The following CCDC7 variants were observed in gnomAD, a reference collection of about 807,000 sequenced individuals.
The protein encoded by CCDC7 is coiled-coil domain containing 7, also known as coiled-coil domain-containing protein 7.
CCDC7 carries 183 observed loss-of-function variants against 196.9 expected under a neutral mutation model. The observed-to-expected ratio is 0.93, with a 90% CI of 0.82 to 1.05. The LOEUF is 1.05. CCDC7 is among the 50% of genes least tolerant of loss of function. The probability of loss-of-function intolerance (pLI) is 0.00; values close to 1 mark genes in which losing one functional copy is unlikely to be tolerated. For missense variants in CCDC7, 1,540 were observed against 1,482.2 expected (o/e 1.04, Z -0.64); for synonymous variants, 525 against 484.6 (o/e 1.08, Z -1.10).
intron 25 of CCDC7, among the ~76,000 whole-genome samples, chr10:32,715,235 G>A (rs188427822): frequency 2.1e-3 from 320 of 152,310 alleles, no homozygotes; most frequent in Middle Eastern, 0.017. Context: ...TGCAGCCTCC[G>A]CTGGTGATAC....
chr10:32,771,702 CTG>C (rs1482942953), intron 28 of CCDC7, among the ~76,000 whole-genome samples: 6 of 152,170 alleles, frequency 3.9e-5, no homozygotes, highest in African/African-American at 1.2e-4. Context: ...CACATAGACT[CTG>C]TGAAAGTACT....
rs151022325 is a variant in CCDC7 at position 32,840,242 on chromosome 10, G to C, written c.3353-5001G>C. On this transcript the variant is annotated intron_variant, in intron 33 of 41. Transcript: ENST00000639629. Reference sequence around the variant, plus strand: ...GTTATTTGAAAAGATAAATAAAATTGATAGACCATTAGCAAGATTAACCAA... The same window carrying C: ...GTTATTTGAAAAGATAAATAAAATTCATAGACCATTAGCAAGATTAACCAA... Among the ~76,000 whole-genome samples, 1,199 of 152,066 alleles carry C rather than the reference G, an allele frequency of 7.9e-3. 6 individuals carry two copies. The highest frequency in any genetic ancestry group is 0.02 in the Middle Eastern group (6 of 294).
intron 40 of CCDC7, 79 bp downstream of exon 41, chr10:32,852,011 A>G: frequency 7.1e-7 from 1 of 1,416,126 alleles, no homozygotes; most frequent in Non-Finnish European, 9.5e-7. Flanking sequence ...AAGTTGTAAT[A>G]GCTTTAGTCA....
intron 28 of CCDC7, among the ~76,000 whole-genome samples, chr10:32,749,290 G>A (rs144795229): frequency 3.9e-5 from 6 of 152,144 alleles, no homozygotes; most frequent in African/African-American, 7.2e-5. Context: ...TGGAAGGTCC[G>A]TTTAAAAAAT....
At position 32,702,327 on chromosome 10, in the gene CCDC7, G is replaced by T. The variant is rs533692074; in HGVS notation, c.2458+7335G>T. On this transcript the variant is annotated intron_variant, in intron 24 of 41. Transcript: ENST00000639629. ...TGTTCAGTTTCCATGTAGTTGAGCGGTTTTGAGTGACTTTCTTAATCCTGA... is the reference window on the plus strand; with the variant it reads ...TGTTCAGTTTCCATGTAGTTGAGCGTTTTTGAGTGACTTTCTTAATCCTGA... Among the ~76,000 whole-genome samples the T allele has an allele frequency of 2.4e-3, 369 of 152,238 alleles. 2 individuals carry two copies. Among genetic ancestry groups the T allele is most frequent in the Non-Finnish European group, 1.9e-3 (131 of 68,008 alleles).
At chr10:32,656,967 C>A (rs2070047575) in intron 20 of CCDC7, among the ~76,000 whole-genome samples, 1 of 152,200 alleles carries the variant, frequency 6.6e-6, no homozygotes, top group Admixed American at 6.5e-5. Flanking sequence ...AGGCTACATG[C>A]CCCAATCAAG....
At chr10:32,600,492 A>G (rs1266227530) in intron 18 of CCDC7, among the ~76,000 whole-genome samples, 1 of 152,072 alleles carries the variant, frequency 6.6e-6, no homozygotes, top group Non-Finnish European at 1.5e-5. Flanking sequence ...GTATATGATC[A>G]TATCATCGGC....
chr10:32,526,455 G>A (rs912013599), intron 11 of CCDC7, among the ~76,000 whole-genome samples: 11 of 152,076 alleles, frequency 7.2e-5, no homozygotes, highest in Non-Finnish European at 1.2e-4. Context: ...TCACCTTTAC[G>A]TTTCCCCCTT....
In CCDC7 at chr10:32,453,330, T is replaced by G; in HGVS notation, c.280-14T>G. On this transcript the variant is annotated splice_polypyrimidine_tract_variant and intron_variant, in intron 1 of 41. Transcript: ENST00000639629. ...TATTAAAGTATCTAATTGGCTTTTA[T>G]TTTTTTTTTACAGGTTGTTTCCACT... 1 of 1,270,714 alleles carries G rather than the reference T, an allele frequency of 7.9e-7. No individual in the cohort carries two copies. Among genetic ancestry groups the G allele is most frequent in the South Asian group, 1.9e-5 (1 of 52,128 alleles). The allele number at this position is 1,270,714 out of a possible 1,614,324, so 78.7% of individuals were successfully genotyped here.
intron 39 of CCDC7, among the ~76,000 whole-genome samples, chr10:32,849,985 G>A (rs1189448935): frequency 6.6e-6 from 1 of 152,038 alleles, no homozygotes; most frequent in Non-Finnish European, 1.5e-5. Context: ...TTTCTAAGTG[G>A]GGAGGAATAA....
chr10:32,447,894 T>C (rs1002547914), upstream of CCDC7, among the ~76,000 whole-genome samples: 1 of 152,064 alleles, frequency 6.6e-6, no homozygotes, highest in Non-Finnish European at 1.5e-5. Context: ...AGAGCGAAAC[T>C]CTGTCTCAAA....
intron 20 of CCDC7, among the ~76,000 whole-genome samples, chr10:32,662,077 C>T (rs1565018448): frequency 6.6e-6 from 1 of 152,152 alleles, no homozygotes; most frequent in Admixed American, 6.6e-5. Flanking sequence ...GGCCTCTCTC[C>T]ATAGGTGGGC....
chr10:32,702,066 T>C (rs185499916), intron 24 of CCDC7, among the ~76,000 whole-genome samples: 133 of 152,358 alleles, frequency 8.7e-4, no homozygotes, highest in African/African-American at 3.1e-3. Flanking sequence ...TGCAAACTTT[T>C]GAATGTGTTT....
In CCDC7 at chr10:32,566,456, A is replaced by T. The variant is rs566622866; in HGVS notation, c.1197+836A>T. 1.4e-3 allele frequency among the ~76,000 whole-genome samples: 220 copies of T among 152,286 alleles called. 1 individual carries two copies. Among genetic ancestry groups the T allele is most frequent in the African/African-American group, 5.0e-3 (209 of 41,566 alleles). On this transcript the variant is annotated intron_variant, in intron 14 of 41. Transcript: ENST00000639629. ...GAAATGATCTAAATGTCCATTGTTAAGGAGTTTGCTAAGACAATTATAGTA... is the reference window on the plus strand; with the variant it reads ...GAAATGATCTAAATGTCCATTGTTATGGAGTTTGCTAAGACAATTATAGTA...
At chr10:32,561,104 A>G (rs1203628453) in intron 13 of CCDC7, among the ~76,000 whole-genome samples, 4 of 152,356 alleles carry the variant, frequency 2.6e-5, no homozygotes, top group Middle Eastern at 3.4e-3. Flanking sequence ...TCAATTCAAC[A>G]AGAAGAGGTA....
chr10:32,833,249 T>C (rs1224940544), intron 32 of CCDC7, among the ~76,000 whole-genome samples: 1 of 151,976 alleles, frequency 6.6e-6, no homozygotes, highest in Non-Finnish European at 1.5e-5. Flanking sequence ...CTGAAGTAGA[T>C]TCTAAAAATG....
At position 32,651,305 on chromosome 10, in the gene CCDC7, T is replaced by G. The variant is rs563934725; in HGVS notation, c.2015-12749T>G. 3.6e-4 allele frequency among the ~76,000 whole-genome samples: 55 copies of G among 152,250 alleles called. No individual in the cohort carries two copies. In the South Asian group the frequency reaches 0.011, roughly 31 times the overall value. On this transcript the variant is annotated intron_variant, in intron 20 of 41. Coordinates refer to ENST00000639629, the Ensembl canonical transcript of CCDC7. Reference sequence around the variant, plus strand: ...GCTGGGGTGCTCAGGTGCTCCAACTTGGGTTCCCAGCTTCCTCCCTATTCA... The same window carrying G: ...GCTGGGGTGCTCAGGTGCTCCAACTGGGGTTCCCAGCTTCCTCCCTATTCA...
At chr10:32,747,404 G>T (rs1463173437) in intron 28 of CCDC7, among the ~76,000 whole-genome samples, 3 of 152,088 alleles carry the variant, frequency 2.0e-5, no homozygotes, top group African/African-American at 7.2e-5. Flanking sequence ...CACAAGAAAA[G>T]AAACTATCAA....
At chr10:32,590,937 T>C (rs1020074521) in intron 18 of CCDC7, among the ~76,000 whole-genome samples, 3 of 152,300 alleles carry the variant, frequency 2.0e-5, no homozygotes, top group African/African-American at 7.2e-5. Context: ...CTTTGGGAGT[T>C]TGATTATTAA....
Sources: allele counts gnomAD v4.1 joint callset (sites outside exome capture counted in the v4.1 genomes callset), GRCh38; gene constraint gnomAD v4.1.1; transcripts MANE v1.5; gene names NCBI Gene and HGNC (gene_info 2026-07-23, HGNC 2026-07-21).